HS6ST3: variants seen among roughly 807,000 people sequenced by gnomAD.
HS6ST3 encodes heparan-sulfate 6-O-sulfotransferase 3.
In HS6ST3, 12 loss-of-function variants were observed where a neutral mutation model predicts 36.7. That is an observed-to-expected ratio of 0.33 (90% CI 0.21 to 0.53). The LOEUF (loss-of-function observed/expected upper bound fraction) is 0.53, where lower values mean the gene tolerates loss of function less well. Among genes scored for constraint, HS6ST3 ranks in the 20% least tolerant of loss-of-function variants. The pLI, the probability that HS6ST3 is intolerant of heterozygous loss-of-function variation, is 0.95. For synonymous variants in HS6ST3, 240 were observed against 257.5 expected (o/e 0.93, Z 0.65); for missense variants, 584 against 640.9 (o/e 0.91, Z 0.96).
At chr13:96,218,881 C>T (rs1388640321) in intron 1 of HS6ST3, among the ~76,000 whole-genome samples, 1 of 152,162 alleles carries the variant, frequency 6.6e-6, no homozygotes, top group Non-Finnish European at 1.5e-5. Flanking sequence ...GTCCCCAGCC[C>T]ACACTACTTC....
chr13:96,709,979 G>C (rs1455339855), intron 1 of HS6ST3, among the ~76,000 whole-genome samples: 1 of 152,182 alleles, frequency 6.6e-6, no homozygotes, highest in Non-Finnish European at 1.5e-5. Context: ...AGGGCTCTAA[G>C]TGGCAGAGCC....
chr13:96,118,678 ATATATATATATTTTTTTTTTTTTTTT>A (rs2053908965), intron 1 of HS6ST3, among the ~76,000 whole-genome samples: 2 of 21,914 alleles, frequency 9.1e-5, no homozygotes, highest in African/African-American at 4.1e-4. Flanking sequence ...ATATATATAT[ATATATATATATTTTTTTTTTTTTTTT>A]TTTTTTTTTT....
At chr13:96,796,623 C>T (rs1358858447) in intron 1 of HS6ST3, among the ~76,000 whole-genome samples, 1 of 152,040 alleles carries the variant, frequency 6.6e-6, no homozygotes, top group African/African-American at 2.4e-5. Flanking sequence ...AGACCTTGAA[C>T]ACATTTAAAT....
intron 1 of HS6ST3, among the ~76,000 whole-genome samples, chr13:96,523,037 G>A (rs974987140): frequency 3.9e-5 from 6 of 152,148 alleles, no homozygotes; most frequent in African/African-American, 1.4e-4. Context: ...TCCTTCAGGA[G>A]CTCTTGTAAG....
intron 1 of HS6ST3, among the ~76,000 whole-genome samples, chr13:96,671,568 C>T (rs1345481749): frequency 6.6e-6 from 1 of 152,086 alleles, no homozygotes; most frequent in East Asian, 1.9e-4. Flanking sequence ...AGGCTAGAAA[C>T]TCAAGATCAG....
At chr13:96,235,430 G>T (rs1278579069) in intron 1 of HS6ST3, among the ~76,000 whole-genome samples, 2 of 152,152 alleles carry the variant, frequency 1.3e-5, no homozygotes, top group African/African-American at 4.8e-5. Context: ...TATCAAAGCG[G>T]AATGCAGGCT....
At chr13:96,155,467 A>G (rs1384994668) in intron 1 of HS6ST3, among the ~76,000 whole-genome samples, 10 of 152,200 alleles carry the variant, frequency 6.6e-5, no homozygotes, top group Non-Finnish European at 1.5e-5. Flanking sequence ...TTAGCCCTAG[A>G]TGTGGCACTA....
chr13:96,207,868 A>G (rs2139355651), intron 1 of HS6ST3, among the ~76,000 whole-genome samples: 1 of 152,254 alleles, frequency 6.6e-6, no homozygotes, highest in African/African-American at 2.4e-5. Flanking sequence ...CAAGAAGAAT[A>G]GCTTATGGAT....
chr13:96,241,910 C>A (rs143692429), intron 1 of HS6ST3, among the ~76,000 whole-genome samples: 1 of 151,118 alleles, frequency 6.6e-6, no homozygotes, highest in African/African-American at 2.4e-5. Context: ...CTCAGCCTCC[C>A]GAGTAGCTGG....
intron 1 of HS6ST3, among the ~76,000 whole-genome samples, chr13:96,708,676 A>G (rs1012823393): frequency 2.6e-5 from 4 of 152,090 alleles, no homozygotes; most frequent in Non-Finnish European, 4.4e-5. Context: ...CAGAGGAAAA[A>G]TCTCCCAAGG....
rs545943197 is a variant in HS6ST3, at chr13:96,157,032, G to A, written c.707+65463G>A. 7.8e-4 allele frequency among the ~76,000 whole-genome samples: 118 copies of A among 152,104 alleles called. 1 individual carries two copies. The highest frequency in any genetic ancestry group is 2.5e-3 in the African/African-American group (104 of 41,506). On this transcript the variant is annotated intron_variant, in intron 1 of 1. Coordinates refer to ENST00000376705, the MANE Select transcript of HS6ST3 (RefSeq NM_153456.4). ...AGCATTTGTTGTCTGGGTAACCTTG[G>A]GCAATTACCAAACTTCTCTGAACTT... is the stretch of plus-strand genomic sequence containing the variant.
intron 1 of HS6ST3, among the ~76,000 whole-genome samples, chr13:96,785,392 G>T (rs1044718776): frequency 6.6e-6 from 1 of 151,780 alleles, no homozygotes; most frequent in Admixed American, 6.6e-5. Flanking sequence ...AAATAACTCA[G>T]ATCAGTCAAA....
chr13:96,317,353 T>A (rs1225343277), intron 1 of HS6ST3, among the ~76,000 whole-genome samples: 3,533 of 31,888 alleles, frequency 0.11, 137 homozygotes, highest in South Asian at 0.18. Flanking sequence ...TATATATATA[T>A]ATATATATAT....
At chr13:96,586,385 T>C (rs1201281708) in intron 1 of HS6ST3, among the ~76,000 whole-genome samples, 1 of 152,018 alleles carries the variant, frequency 6.6e-6, no homozygotes, top group Non-Finnish European at 1.5e-5. Context: ...AACCTGCACC[T>C]CCCAGGTTCA....
At chr13:96,206,008 G>T (rs1169206482) in intron 1 of HS6ST3, among the ~76,000 whole-genome samples, 1 of 152,096 alleles carries the variant, frequency 6.6e-6, no homozygotes, top group African/African-American at 2.4e-5. Flanking sequence ...CAAATAGGAA[G>T]AGAGGAGTCA....
intron 1 of HS6ST3, among the ~76,000 whole-genome samples, chr13:96,148,577 A>G (rs1215807720): frequency 6.6e-6 from 1 of 152,258 alleles, no homozygotes; most frequent in Non-Finnish European, 1.5e-5. Context: ...TGTTTACACA[A>G]AGACTACCAA....
intron 1 of HS6ST3, among the ~76,000 whole-genome samples, chr13:96,673,061 C>T (rs9584401): frequency 1.4e-3 from 218 of 152,220 alleles, no homozygotes; most frequent in African/African-American, 5.1e-3. Flanking sequence ...GAGGAGAACC[C>T]TCTCCTTTCT....
intron 1 of HS6ST3, among the ~76,000 whole-genome samples, chr13:96,641,024 G>A (rs2056568357): frequency 6.6e-6 from 1 of 151,878 alleles, no homozygotes; most frequent in Admixed American, 6.6e-5. Flanking sequence ...AGATTGCTTT[G>A]GCTGTTCAGG....
chr13:96,170,173 C>T (rs2054180839), intron 1 of HS6ST3, among the ~76,000 whole-genome samples: 1 of 152,138 alleles, frequency 6.6e-6, no homozygotes. Flanking sequence ...GTAAATAACA[C>T]AAGAGGGGAA....
Sources: gnomAD v4.1 joint callset for allele counts (sites outside exome capture counted in the v4.1 genomes callset) on GRCh38, gnomAD v4.1.1 for gene constraint, MANE v1.5 for transcripts, NCBI Gene and HGNC (gene_info 2026-07-23, HGNC 2026-07-21) for gene names.